The following SLC9A8 variants were observed in gnomAD, a reference collection of about 807,000 sequenced individuals.
SLC9A8 encodes sodium/hydrogen exchanger 8.
Under a neutral mutation model 66.6 loss-of-function variants are expected in SLC9A8, and 48 were observed. The ratio of observed to expected loss-of-function variants is 0.72; its 90% confidence interval spans 0.57 to 0.92. The LOEUF is 0.92. Among genes scored for constraint, SLC9A8 ranks in the 40% least tolerant of loss-of-function variants. SLC9A8 has a pLI of 0.00. For synonymous variants in SLC9A8, 274 were observed against 282.6 expected (o/e 0.97, Z 0.31); for missense variants, 599 against 747.3 (o/e 0.80, Z 2.31).
At chr20:49,828,530 T>C (rs1437121744) in intron 3 of SLC9A8, among the ~76,000 whole-genome samples, 2 of 149,724 alleles carry the variant, frequency 1.3e-5, no homozygotes, top group Non-Finnish European at 3.0e-5. Context: ...GCCAAAAAAT[T>C]GTTTTTAATT....
chr20:49,886,845 T>C lies in SLC9A8; in HGVS notation c.1585T>C (p.Trp529Arg). Residue 529 changes from tryptophan to arginine, a missense_variant, in exon 15 of 16, where the codon TGG (tryptophan) becomes CGG (arginine). Physicochemically the swap from Trp to Arg is moderately radical, Grantham distance 101. This residue lies in a region of SLC9A8 where 467 missense variants were observed against 626.5 expected (regional missense o/e 0.75). Coordinates refer to ENST00000361573, the MANE Select transcript of SLC9A8 (RefSeq NM_015266.3). This position sits in a 1 kb window ranked among gnomAD's most constrained non-coding sequence, Gnocchi z 4.8. ...GCGGCAGGACCTTAAGGGCTTCGTG[T>C]GGCTGGACGCCAAGTACCTGAACCC... is the stretch of plus-strand genomic sequence containing the variant. ...IRRQDLKGFV[W>R]LDAKYLNPFF... is the part of the protein sequence containing the mutation. The C allele has an allele frequency of 1.9e-6, 3 of 1,614,164 alleles. No homozygotes were observed. Among genetic ancestry groups the C allele is most frequent in the African/African-American group, 1.3e-5 (1 of 75,062 alleles).
At chr20:49,842,082 TG>T (rs1283163430) in intron 4 of SLC9A8, among the ~76,000 whole-genome samples, 2 of 143,732 alleles carry the variant, frequency 1.4e-5, no homozygotes, top group Non-Finnish European at 3.0e-5. Context: ...TGCTGGGGAG[TG>T]GTGGGGAGCA....
At chr20:49,871,204 T>G (rs1320100666) in intron 10 of SLC9A8, among the ~76,000 whole-genome samples, 1 of 152,226 alleles carries the variant, frequency 6.6e-6, no homozygotes, top group Non-Finnish European at 1.5e-5. Flanking sequence ...TCATTACGGT[T>G]TCACTCAGCC....
intron 13 of SLC9A8, among the ~76,000 whole-genome samples, chr20:49,882,229 C>T (rs1177707133): frequency 6.6e-6 from 1 of 152,226 alleles, no homozygotes; most frequent in African/African-American, 2.4e-5. Flanking sequence ...GTGAGCCGTG[C>T]TCGCTCATTT....
At chr20:49,860,012 C>G (rs2088669429) in intron 8 of SLC9A8, among the ~76,000 whole-genome samples, 1 of 152,198 alleles carries the variant, frequency 6.6e-6, no homozygotes, top group Non-Finnish European at 1.5e-5. Flanking sequence ...GTGACTCACT[C>G]TCTTTGGGCC....
In SLC9A8 at chr20:49,834,385, T is replaced by A. The variant is rs1457751992; in HGVS notation, c.290-5156T>A. On this transcript the variant is annotated intron_variant, in intron 3 of 15. Transcript: ENST00000361573. Reference sequence around the variant, plus strand: ...ATATACTGTGTATATATATATATACTGTGTATATATATATACTGTGTATAT... The same window carrying A: ...ATATACTGTGTATATATATATATACAGTGTATATATATATACTGTGTATAT... Among the ~76,000 whole-genome samples the A allele has an allele frequency of 1.4e-3, 58 of 41,412 alleles. 3 individuals are homozygous for A. The highest frequency in any genetic ancestry group is 9.3e-3 in the South Asian group (18 of 1,938). 27.2% of individuals were successfully genotyped at this position (41,412 alleles called of 152,430 possible). A position where few individuals can be genotyped will look rare whatever the true frequency, so the allele number is the denominator to read the frequency against.
At chr20:49,884,447 G>T (rs1029863104) in intron 14 of SLC9A8, among the ~76,000 whole-genome samples, 4 of 152,148 alleles carry the variant, frequency 2.6e-5, no homozygotes, top group Middle Eastern at 3.4e-3. Flanking sequence ...CATGGGGGCT[G>T]TGGACGACCC....
At position 49,864,739 on chromosome 20, in the gene SLC9A8, G is replaced by A. The variant is rs759363309; in HGVS notation, c.853G>A (p.Val285Met). 6.0e-5 allele frequency: 97 copies of A among 1,612,146 alleles called. No homozygotes were observed. Among genetic ancestry groups the A allele is most frequent in the Non-Finnish European group, 7.6e-5 (89 of 1,178,354 alleles). ...GTLTGLISALVLKHIDLRKTP... is the reference protein window; with the variant it reads ...GTLTGLISALMLKHIDLRKTP... ...TCCTTCCTTGACAGTTGTCATTTAC[G>A]TGCTGAAGCATATTGACTTGAGGAA... Residue 285 changes from valine (V) to methionine (M), a missense_variant and splice_region_variant, in exon 10 of 16, where the codon GTG becomes ATG. This residue lies in a region of SLC9A8 where 467 missense variants were observed against 626.5 expected (regional missense o/e 0.75). Transcript: ENST00000361573.
intron 3 of SLC9A8, chr20:49,830,432 G>A (rs1261804309): frequency 1.6e-5 from 13 of 836,328 alleles, no homozygotes; most frequent in South Asian, 2.7e-5. Context: ...ATCCCAAGGC[G>A]GCCAAGGACC....
Position 49,849,600 on chromosome 20 carries a change from G to T in SLC9A8, c.454G>T (p.Gly152Cys). 6.2e-7 allele frequency: 1 copy of T among 1,613,340 alleles called. No individual in the cohort carries two copies. Among genetic ancestry groups the T allele is most frequent in the East Asian group, 2.2e-5 (1 of 44,882 alleles). ...ACAGGGTAACTTCTTTCAAAATATT[G>T]GTTCCATCACCCTGTTTGCTGTTTT... is the stretch of plus-strand genomic sequence containing the variant. ...LHKGNFFQNI[G>C]SITLFAVFGT... Residue 152 changes from glycine (G) to cysteine (C), a missense_variant, in exon 6 of 16, where the codon GGT becomes TGT. Coordinates refer to ENST00000361573, the MANE Select transcript of SLC9A8 (RefSeq NM_015266.3).
chr20:49,854,485 C>A (rs909599020), intron 7 of SLC9A8, among the ~76,000 whole-genome samples: 2 of 152,108 alleles, frequency 1.3e-5, no homozygotes, highest in Non-Finnish European at 2.9e-5. Context: ...CTCTCCAGAC[C>A]GCCCCATCTA....
chr20:49,830,864 C>T, intron 3 of SLC9A8: 1 of 1,436,072 alleles, frequency 7.0e-7, no homozygotes, highest in South Asian at 1.1e-5. Context: ...AGTTGGCCAG[C>T]ATCTTCCTAG....
At chr20:49,829,810 A>G in intron 3 of SLC9A8, 1 of 556,488 alleles carries the variant, frequency 1.8e-6, no homozygotes, top group South Asian at 1.4e-5. Context: ...AGGTGATGAG[A>G]AGTGCAAACA....
intron 3 of SLC9A8, among the ~76,000 whole-genome samples, chr20:49,833,907 A>G (rs991012300): frequency 4.6e-5 from 7 of 152,080 alleles, no homozygotes; most frequent in African/African-American, 1.4e-4. Flanking sequence ...TTGTGTTTCT[A>G]TTTATTTTTA....
chr20:49,885,875 C>T (rs1367076608), intron 14 of SLC9A8, among the ~76,000 whole-genome samples: 1 of 152,186 alleles, frequency 6.6e-6, no homozygotes, highest in Non-Finnish European at 1.5e-5. Flanking sequence ...AAAATGGGCT[C>T]CCCAGACTAG....
At position 49,855,605 on chromosome 20, in the gene SLC9A8, AC is replaced by A. The variant is rs747615458; in HGVS notation, c.713+25del. The A allele has an allele frequency of 1.9e-6, 3 of 1,609,012 alleles. No homozygotes were observed. In the South Asian group the frequency reaches 3.3e-5, roughly 18 times the overall value. ...AAGTAAGTACGGGGGCAGAGAACAG[AC>A]TTTTTTCATGTGACAGAACTAAAGG... On this transcript the variant is annotated intron_variant, in intron 8 of 15. Transcript: ENST00000361573.
chr20:49,829,655 C>T, intron 3 of SLC9A8: 2 of 456,454 alleles, frequency 4.4e-6, no homozygotes, highest in Non-Finnish European at 8.6e-6. Flanking sequence ...TAAAGATTCA[C>T]AAGGGTAAAC....
chr20:49,843,016 C>T (rs1236861867), intron 4 of SLC9A8, among the ~76,000 whole-genome samples: 1 of 152,176 alleles, frequency 6.6e-6, no homozygotes, highest in African/African-American at 2.4e-5. Context: ...TCGATGTTTG[C>T]TGCCTTTGGC....
At chr20:49,884,500 C>T (rs967621569) in intron 14 of SLC9A8, among the ~76,000 whole-genome samples, 2 of 152,072 alleles carry the variant, frequency 1.3e-5, no homozygotes, top group African/African-American at 4.8e-5. Context: ...CCACAGGAGT[C>T]TGGACCTGTG....
Sources: allele counts gnomAD v4.1 joint callset (sites outside exome capture counted in the v4.1 genomes callset), GRCh38; gene constraint gnomAD v4.1.1; regional missense constraint gnomAD v4.1.1; non-coding constraint Gnocchi (gnomAD v3.1); transcripts MANE v1.5; gene names NCBI Gene and HGNC (gene_info 2026-07-23, HGNC 2026-07-21).